The following CDH4 variants were observed in gnomAD, a reference collection of about 807,000 sequenced individuals.
CDH4 encodes cadherin-4.
In CDH4, 33 loss-of-function variants were observed where a neutral mutation model predicts 86.0. The ratio of observed to expected loss-of-function variants is 0.38; its 90% CI spans 0.29 to 0.51. The LOEUF (loss-of-function observed/expected upper bound fraction) is 0.51. CDH4 is among the 20% of genes least tolerant of loss of function. The pLI, the probability that CDH4 is intolerant of heterozygous loss-of-function variation, is 0.86. For synonymous variants in CDH4, 555 were observed against 549.4 expected (o/e 1.01, Z -0.14); for missense variants, 1,114 against 1,307.4 (o/e 0.85, Z 2.28).
chr20:61,912,039 T>C (rs953711222), intron 9 of CDH4, among the ~76,000 whole-genome samples: 1 of 152,214 alleles, frequency 6.6e-6, no homozygotes, highest in South Asian at 2.1e-4. Flanking sequence ...TCTGCTCTGC[T>C]GTGCACACCT....
intron 2 of CDH4, among the ~76,000 whole-genome samples, chr20:61,489,014 G>A (rs2085611521): frequency 6.6e-6 from 1 of 152,046 alleles, no homozygotes; most frequent in African/African-American, 2.4e-5. Context: ...ACTTCAATGC[G>A]TTACTGTGCA....
At chr20:61,597,569 A>T (rs1300589484) in intron 2 of CDH4, among the ~76,000 whole-genome samples, 1 of 152,170 alleles carries the variant, frequency 6.6e-6, no homozygotes, top group African/African-American at 2.4e-5. Context: ...CGGTTACTTC[A>T]TGCATCTGCA....
At position 61,939,957 on chromosome 20, in the gene CDH4, T is replaced by G. The variant is rs937743752; in HGVS notation, c.*3014T>G. 3.3e-5 allele frequency: 5 copies of G among 152,314 alleles called. No homozygotes were observed. The East Asian group carries it at 7.7e-4, about 23-fold the overall frequency. The allele number at this position is 152,314 out of a possible 1,614,324, so 9.4% of individuals were successfully genotyped here. On this transcript the variant is annotated 3_prime_UTR_variant, in exon 16 of 16. Transcript: ENST00000614565. Reference sequence around the variant, plus strand: ...TCAGAGCAATGTCCAACTGTCAGGCTCTCAGAGATGCCTCAGTTTCCCTAG... The same window carrying G: ...TCAGAGCAATGTCCAACTGTCAGGCGCTCAGAGATGCCTCAGTTTCCCTAG...
chr20:61,731,882 G>T (rs2088194181), intron 2 of CDH4, among the ~76,000 whole-genome samples: 1 of 152,188 alleles, frequency 6.6e-6, no homozygotes, highest in African/African-American at 2.4e-5. Context: ...CTACTGGAGG[G>T]TGTGTCCCCT....
intron 2 of CDH4, among the ~76,000 whole-genome samples, chr20:61,572,045 G>A (rs7271605): frequency 7.9e-5 from 12 of 152,132 alleles, no homozygotes; most frequent in East Asian, 3.9e-4. Flanking sequence ...CCCTTCCCGC[G>A]TGAGTGAGAC....
At chr20:61,841,411 G>A (rs992295196) in intron 4 of CDH4, among the ~76,000 whole-genome samples, 3 of 152,136 alleles carry the variant, frequency 2.0e-5, no homozygotes, top group African/African-American at 4.8e-5. Context: ...CTATCTAGAC[G>A]TTGCCCCATA....
intron 2 of CDH4, among the ~76,000 whole-genome samples, chr20:61,628,454 C>T (rs1011220367): frequency 6.6e-6 from 1 of 152,200 alleles, no homozygotes; most frequent in South Asian, 2.1e-4. Context: ...TTCATTCATT[C>T]CTCTGCTTGC....
chr20:61,831,070 C>T (rs1353256186), intron 4 of CDH4, among the ~76,000 whole-genome samples: 4 of 152,132 alleles, frequency 2.6e-5, no homozygotes. Context: ...CTACCCTCAA[C>T]TCTTGGGGGA....
chr20:61,843,507 CATAGTG>C (rs1982276940), intron 4 of CDH4, among the ~76,000 whole-genome samples: 1 of 137,426 alleles, frequency 7.3e-6, no homozygotes, highest in Non-Finnish European at 1.5e-5. Flanking sequence ...GCCTGGGAAA[CATAGTG>C]AGACCTTTTC....
At chr20:61,729,018 C>T (rs1007159423) in intron 2 of CDH4, among the ~76,000 whole-genome samples, 3 of 152,176 alleles carry the variant, frequency 2.0e-5, no homozygotes, top group African/African-American at 7.2e-5. Context: ...ATGTCCTGGC[C>T]AATGCCGGGA....
intron 2 of CDH4, among the ~76,000 whole-genome samples, chr20:61,263,631 A>C (rs2084140042): frequency 1.3e-5 from 2 of 152,232 alleles, no homozygotes; most frequent in African/African-American, 2.4e-5. Flanking sequence ...TACTTAGATT[A>C]CAAATTGTAT....
chr20:61,627,859 C>T (rs1397286118), intron 2 of CDH4, among the ~76,000 whole-genome samples: 1 of 152,058 alleles, frequency 6.6e-6, no homozygotes, highest in Non-Finnish European at 1.5e-5. Flanking sequence ...TTCGTCCTTT[C>T]TCCCTTTTGT....
chr20:61,386,070 C>T (rs1476426932), intron 2 of CDH4, among the ~76,000 whole-genome samples: 3 of 152,132 alleles, frequency 2.0e-5, no homozygotes, highest in Admixed American at 1.3e-4. Flanking sequence ...AGGAGCAGAC[C>T]CCCTACCTTG....
At chr20:61,429,382 G>T (rs1456498308) in intron 2 of CDH4, among the ~76,000 whole-genome samples, 3 of 152,200 alleles carry the variant, frequency 2.0e-5, no homozygotes, top group African/African-American at 7.2e-5. Flanking sequence ...CTTTTTCCTA[G>T]CCTAGTGATT....
At chr20:61,741,252 G>T (rs1281254397) in intron 2 of CDH4, among the ~76,000 whole-genome samples, 1 of 152,116 alleles carries the variant, frequency 6.6e-6, no homozygotes, top group Non-Finnish European at 1.5e-5. Flanking sequence ...CAGTGTGCAG[G>T]GGCCCTGGTG....
intron 7 of CDH4, among the ~76,000 whole-genome samples, chr20:61,888,648 G>T (rs1984652714): frequency 6.6e-6 from 1 of 152,380 alleles, no homozygotes; most frequent in Middle Eastern, 3.4e-3. Flanking sequence ...AGAGCAGCCA[G>T]TCAAGGGTGG....
intron 2 of CDH4, among the ~76,000 whole-genome samples, chr20:61,528,967 A>C (rs2085933335): frequency 6.6e-6 from 1 of 152,064 alleles, no homozygotes; most frequent in African/African-American, 2.4e-5. Context: ...AAAGGTTCCC[A>C]ACAGAGGCCA....
At chr20:61,661,559 C>T (rs1358011972) in intron 2 of CDH4, among the ~76,000 whole-genome samples, 1 of 147,732 alleles carries the variant, frequency 6.8e-6, no homozygotes, top group Non-Finnish European at 1.5e-5. Context: ...GGAGGAAGGG[C>T]CTACAGTTGA....
intron 2 of CDH4, among the ~76,000 whole-genome samples, chr20:61,422,647 C>G (rs990841800): frequency 5.3e-5 from 8 of 152,090 alleles, no homozygotes; most frequent in Admixed American, 5.2e-4. Context: ...GGAGAACTTA[C>G]GGATCTGGCT....
Sources: allele counts gnomAD v4.1 joint callset (sites outside exome capture counted in the v4.1 genomes callset), GRCh38; gene constraint gnomAD v4.1.1; transcripts MANE v1.5; gene names NCBI Gene and HGNC (gene_info 2026-07-23, HGNC 2026-07-21).